Variants in GALK2 observed in about 807,000 individuals in gnomAD.
GALK2 encodes galactokinase 2.
A neutral mutation model predicts 52.4 loss-of-function variants in GALK2; 36 were observed. The observed-to-expected ratio is 0.69, with a 90% CI of 0.53 to 0.91. The LOEUF (loss-of-function observed/expected upper bound fraction) is 0.91, where lower values mean the gene tolerates loss of function less well. GALK2 is among the 40% of genes least tolerant of loss of function. The pLI, the probability that GALK2 is intolerant of heterozygous loss-of-function variation, is 0.00. For missense variants in GALK2, 579 were observed against 559.1 expected, an observed-to-expected ratio of 1.04 and a Z score of -0.36; for synonymous variants, 176 against 199.1, an observed-to-expected ratio of 0.88 and a Z score of 0.98.
In GALK2 at chr15:49,330,760, A is replaced by T. The variant is rs1596200185; in HGVS notation, c.*2601A>T. The T allele has an allele frequency of 6.7e-6, 1 of 148,692 alleles. No individual in the cohort carries two copies. The highest frequency in any genetic ancestry group is 2.1e-4 in the South Asian group (1 of 4,752). The allele number at this position is 148,692 out of a possible 1,614,324, so 9.2% of individuals were successfully genotyped here. On this transcript the variant is annotated 3_prime_UTR_variant, in exon 10 of 10. Transcript: ENST00000560031. ...AGATAGACCAAAAAAAAAAAAAAAG[A>T]GAGAAAGAATGAATATTTTTGTGTG...
intron 8 of GALK2, among the ~76,000 whole-genome samples, chr15:49,305,364 A>G (rs2035465295): frequency 6.6e-6 from 1 of 152,182 alleles, no homozygotes; most frequent in Admixed American, 6.5e-5. Flanking sequence ...ACCACTCTAT[A>G]TTCAGGGTAG....
At chr15:49,183,115 C>T (rs1223740848) in intron 1 of GALK2, among the ~76,000 whole-genome samples, 1 of 152,106 alleles carries the variant, frequency 6.6e-6, no homozygotes, top group Non-Finnish European at 1.5e-5. Context: ...TTTCAAAATA[C>T]TAACTTTTCC....
chr15:49,357,517 A>G (rs373096138), intron 3 of GALK2, among the ~76,000 whole-genome samples: 1 of 151,996 alleles, frequency 6.6e-6, no homozygotes, highest in Middle Eastern at 3.2e-3. Flanking sequence ...CGACACATAC[A>G]CTCTCCCAAG....
chr15:49,265,595 T>A (rs1010439385), intron 5 of GALK2, among the ~76,000 whole-genome samples: 1 of 152,344 alleles, frequency 6.6e-6, no homozygotes, highest in African/African-American at 2.4e-5. Context: ...GTGCCCACTG[T>A]CTGGCACTCC....
intron 3 of GALK2, among the ~76,000 whole-genome samples, chr15:49,360,870 G>A (rs2044103278): frequency 6.6e-6 from 1 of 152,154 alleles, no homozygotes; most frequent in Admixed American, 6.5e-5. Context: ...CTCCTGTGAT[G>A]TGAAATTTCA....
At chr15:49,298,735 C>G (rs1221257588) in intron 8 of GALK2, among the ~76,000 whole-genome samples, 1 of 152,112 alleles carries the variant, frequency 6.6e-6, no homozygotes, top group Non-Finnish European at 1.5e-5. Context: ...GTTGAACTAA[C>G]CTTTGCATCC....
Position 49,331,609 on chromosome 15 carries a change from G to C in GALK2, c.*3450G>C. The C allele has an allele frequency of 1.8e-6, 1 of 561,974 alleles. No homozygotes were observed. Among genetic ancestry groups the C allele is most frequent in the East Asian group, 2.9e-5 (1 of 34,850 alleles). 34.8% of individuals were successfully genotyped at this position (561,974 alleles called of 1,614,324 possible). A position where few individuals can be genotyped will look rare whatever the true frequency, so the allele number is the denominator to read the frequency against. On this transcript the variant is annotated 3_prime_UTR_variant, in exon 10 of 10. Coordinates refer to ENST00000560031, the MANE Select transcript of GALK2 (RefSeq NM_002044.4). Reference sequence around the variant, plus strand: ...GTGAACATGAGTTGTCACTAAATATGTAAAACAGATTTTCTTACATGTGCA... The same window carrying C: ...GTGAACATGAGTTGTCACTAAATATCTAAAACAGATTTTCTTACATGTGCA...
chr15:49,186,769 C>T (rs2086380165), intron 1 of GALK2, among the ~76,000 whole-genome samples: 1 of 152,140 alleles, frequency 6.6e-6, no homozygotes, highest in Admixed American at 6.5e-5. Context: ...AATCTCTTGA[C>T]CTCATGATCC....
At chr15:49,271,574 G>A (rs1387771227) in intron 5 of GALK2, among the ~76,000 whole-genome samples, 1 of 152,156 alleles carries the variant, frequency 6.6e-6, no homozygotes, top group Non-Finnish European at 1.5e-5. Flanking sequence ...TTCTGGCTTT[G>A]CCACTTACTA....
At chr15:49,257,548 T>C (rs1004284811) in intron 5 of GALK2, among the ~76,000 whole-genome samples, 1 of 152,222 alleles carries the variant, frequency 6.6e-6, no homozygotes, top group African/African-American at 2.4e-5. Context: ...ATTACATAGC[T>C]ATTATAACTA....
At chr15:49,181,712 G>T (rs982691667) in intron 1 of GALK2, among the ~76,000 whole-genome samples, 4 of 151,628 alleles carry the variant, frequency 2.6e-5, no homozygotes, top group African/African-American at 9.7e-5. Flanking sequence ...TTTTTATTTT[G>T]AAATATTTTT....
intron 5 of GALK2, among the ~76,000 whole-genome samples, chr15:49,262,438 G>A (rs1484855859): frequency 7.9e-5 from 12 of 151,918 alleles, no homozygotes; most frequent in South Asian, 2.1e-4. Flanking sequence ...TTTTTATTGC[G>A]TCTATTGATT....
At chr15:49,358,747 C>T (rs2043632677) in intron 3 of GALK2, among the ~76,000 whole-genome samples, 1 of 151,880 alleles carries the variant, frequency 6.6e-6, no homozygotes, top group Non-Finnish European at 1.5e-5. Context: ...CTTTAAAGTT[C>T]ATATGGAACC....
upstream of GALK2, among the ~76,000 whole-genome samples, chr15:49,165,648 A>G (rs2084794895): frequency 6.6e-6 from 1 of 152,104 alleles, no homozygotes; most frequent in Non-Finnish European, 1.5e-5. Flanking sequence ...TTATATTTAA[A>G]ATGATATTTT....
intron 3 of GALK2, among the ~76,000 whole-genome samples, chr15:49,347,898 A>G (rs1406629497): frequency 1.3e-5 from 2 of 151,930 alleles, no homozygotes; most frequent in African/African-American, 4.8e-5. Flanking sequence ...AGATGCCTGT[A>G]GTCCCAGCTA....
intron 9 of GALK2, among the ~76,000 whole-genome samples, chr15:49,320,280 G>T (rs1186492994): frequency 1.3e-5 from 2 of 152,160 alleles, no homozygotes; most frequent in East Asian, 3.9e-4. Context: ...ATTTGCTGAA[G>T]GAATCACCCA....
chr15:49,350,180 A>G (rs2042044423), intron 3 of GALK2, among the ~76,000 whole-genome samples: 1 of 152,212 alleles, frequency 6.6e-6, no homozygotes, highest in Non-Finnish European at 1.5e-5. Flanking sequence ...ACTTTCTGTG[A>G]CAATGGAAAT....
rs2038725244 is a variant in GALK2 at position 49,331,415 on chromosome 15, A to C, written c.*3256A>C. 1.0e-5 allele frequency: 2 copies of C among 198,684 alleles called. No homozygotes were observed. The highest frequency in any genetic ancestry group is 2.0e-5 in the Non-Finnish European group (2 of 97,676). 12.3% of individuals were successfully genotyped at this position (198,684 alleles called of 1,614,324 possible). ...ATATTCTGCCTTGATAATTGAGGGCAGGGACCATTCATCTAACACAGCTGT... is the reference window on the plus strand; with the variant it reads ...ATATTCTGCCTTGATAATTGAGGGCCGGGACCATTCATCTAACACAGCTGT... On this transcript the variant is annotated 3_prime_UTR_variant, in exon 10 of 10. Coordinates refer to ENST00000560031, the MANE Select transcript of GALK2 (RefSeq NM_002044.4).
rs1200292800 is a variant in GALK2 at position 49,258,829 on chromosome 15, T to TGA, written c.504+19487_504+19488dup. 1.2e-3 allele frequency among the ~76,000 whole-genome samples: 145 copies of TGA among 124,094 alleles called. 1 individual carries two copies. The highest frequency in any genetic ancestry group is 0.011 in the South Asian group (39 of 3,488). 81.4% of individuals were successfully genotyped at this position (124,094 alleles called of 152,430 possible). On this transcript the variant is annotated intron_variant, in intron 5 of 9. Transcript: ENST00000560031. ...GTGTGTGTGTGTGTGTGTGTGTGTGTGAGAGAGAGAGAGAGAGAGAGAGAG... is the reference window on the plus strand; with the variant it reads ...GTGTGTGTGTGTGTGTGTGTGTGTGTGAGAGAGAGAGAGAGAGAGAGAGAGAG...
Sources: allele counts gnomAD v4.1 joint callset (sites outside exome capture counted in the v4.1 genomes callset), GRCh38; gene constraint gnomAD v4.1.1; transcripts MANE v1.5; gene names NCBI Gene and HGNC (gene_info 2026-07-23, HGNC 2026-07-21).